The following PDZRN4 variants were observed in gnomAD, a reference collection of about 807,000 sequenced individuals.
PDZRN4 encodes the protein PDZ domain containing ring finger 4.
Under a neutral mutation model 99.0 loss-of-function variants are expected in PDZRN4, and 70 were observed. That is an observed-to-expected ratio of 0.71 (90% CI 0.58 to 0.86). The LOEUF (loss-of-function observed/expected upper bound fraction) is 0.86, where lower values mean the gene tolerates loss of function less well. Among genes scored for constraint, PDZRN4 ranks in the 40% least tolerant of loss-of-function variants. The pLI, the probability that PDZRN4 is intolerant of heterozygous loss-of-function variation, is 0.00. For missense variants in PDZRN4, 1,474 were observed against 1,331.2 expected (o/e 1.11, Z -1.67); for synonymous variants, 551 against 501.6 (o/e 1.10, Z -1.32).
At chr12:41,409,107 A>T (rs1031128132) in intron 3 of PDZRN4, among the ~76,000 whole-genome samples, 1 of 152,180 alleles carries the variant, frequency 6.6e-6, no homozygotes, top group Non-Finnish European at 1.5e-5. Context: ...AAGAACTATG[A>T]TAAGAGTTGA....
At chr12:41,320,802 A>G (rs1311313931) in intron 3 of PDZRN4, among the ~76,000 whole-genome samples, 1 of 152,238 alleles carries the variant, frequency 6.6e-6, no homozygotes, top group African/African-American at 2.4e-5. Flanking sequence ...TCAGCAGAGT[A>G]CATGAGTCAA....
At chr12:41,252,885 T>G (rs1951180527) in intron 3 of PDZRN4, among the ~76,000 whole-genome samples, 2 of 152,166 alleles carry the variant, frequency 1.3e-5, no homozygotes, top group Admixed American at 1.3e-4. Context: ...ATTGTAGTGG[T>G]GGTTAGTTGG....
At chr12:41,466,373 C>A (rs1224590108) in intron 3 of PDZRN4, among the ~76,000 whole-genome samples, 2 of 152,172 alleles carry the variant, frequency 1.3e-5, no homozygotes, top group African/African-American at 4.8e-5. Context: ...GTTAGAAAAG[C>A]AGGAGAAATT....
chr12:41,421,694 T>A (rs1038908772), intron 3 of PDZRN4, among the ~76,000 whole-genome samples: 1 of 152,194 alleles, frequency 6.6e-6, no homozygotes, highest in Non-Finnish European at 1.5e-5. Context: ...GTCACCCCTT[T>A]AATGTTCCCA....
chr12:41,471,507 T>C (rs550147147), intron 3 of PDZRN4, among the ~76,000 whole-genome samples: 1 of 150,318 alleles, frequency 6.7e-6, no homozygotes, highest in Admixed American at 6.6e-5. Flanking sequence ...TTCTACAAGG[T>C]AGAAATTATT....
intron 7 of PDZRN4, among the ~76,000 whole-genome samples, chr12:41,560,910 G>T (rs950405981): frequency 3.3e-5 from 5 of 152,036 alleles, no homozygotes; most frequent in Non-Finnish European, 7.4e-5. Flanking sequence ...GCTAAAGTGT[G>T]GCACTTATTT....
chr12:41,318,689 C>A (rs112195406), intron 3 of PDZRN4, among the ~76,000 whole-genome samples: 1 of 152,162 alleles, frequency 6.6e-6, no homozygotes, highest in African/African-American at 2.4e-5. Context: ...AAACTAAGCA[C>A]ACCAGATTCT....
At chr12:41,275,610 TA>T (rs1240796000) in intron 3 of PDZRN4, among the ~76,000 whole-genome samples, 1 of 152,106 alleles carries the variant, frequency 6.6e-6, no homozygotes, top group African/African-American at 2.4e-5. Context: ...GCGGTTGGTG[TA>T]ATTTTTATTT....
intron 3 of PDZRN4, among the ~76,000 whole-genome samples, chr12:41,347,200 A>T (rs1202205849): frequency 1.3e-5 from 2 of 152,072 alleles, no homozygotes; most frequent in African/African-American, 4.8e-5. Context: ...GTTAAACTCT[A>T]TGTTTAACCC....
At chr12:41,205,059 T>C (rs1950839843) in intron 3 of PDZRN4, among the ~76,000 whole-genome samples, 1 of 151,926 alleles carries the variant, frequency 6.6e-6, no homozygotes, top group Non-Finnish European at 1.5e-5. Context: ...AAGATAAAAA[T>C]GAATTACTAG....
At chr12:41,441,783 G>A (rs934199115) in intron 3 of PDZRN4, among the ~76,000 whole-genome samples, 1 of 151,846 alleles carries the variant, frequency 6.6e-6, no homozygotes, top group East Asian at 1.9e-4. Context: ...GTTCCTTAGC[G>A]CCAGTGAAGG....
intron 5 of PDZRN4, among the ~76,000 whole-genome samples, chr12:41,544,108 T>A (rs1000301930): frequency 2.6e-5 from 4 of 152,202 alleles, no homozygotes; most frequent in African/African-American, 9.7e-5. Flanking sequence ...TAGAGGAATG[T>A]TTGGTACATA....
At chr12:41,456,515 C>T (rs1952818073) in intron 3 of PDZRN4, among the ~76,000 whole-genome samples, 1 of 152,138 alleles carries the variant, frequency 6.6e-6, no homozygotes, top group Non-Finnish European at 1.5e-5. Flanking sequence ...TAACCAGGTC[C>T]TTTCTATATT....
intron 3 of PDZRN4, among the ~76,000 whole-genome samples, chr12:41,376,398 GT>G (rs1183527287): frequency 6.6e-6 from 1 of 151,630 alleles, no homozygotes; most frequent in Non-Finnish European, 1.5e-5. Context: ...GTTATCTCTT[GT>G]TTTTTTTAGA....
At chr12:41,472,291 C>T (rs1479200977) in intron 3 of PDZRN4, among the ~76,000 whole-genome samples, 8 of 152,296 alleles carry the variant, frequency 5.3e-5, no homozygotes, top group Admixed American at 3.3e-4. Flanking sequence ...GCATGAGCCA[C>T]GGCGCCTGGC....
At chr12:41,455,416 T>C (rs530420136) in intron 3 of PDZRN4, among the ~76,000 whole-genome samples, 23 of 152,258 alleles carry the variant, frequency 1.5e-4, no homozygotes, top group African/African-American at 5.3e-4. Context: ...GGTCATTGTA[T>C]TAGCAGTGGG....
intron 3 of PDZRN4, among the ~76,000 whole-genome samples, chr12:41,352,111 G>C (rs184981072): frequency 6.6e-6 from 1 of 152,068 alleles, no homozygotes; most frequent in East Asian, 1.9e-4. Context: ...GGATTACACC[G>C]TGTGGTCATG....
chr12:41,547,730 C>T lies in PDZRN4; in HGVS notation c.1204-4926C>T, dbSNP rs149196769. Among the ~76,000 whole-genome samples the T allele has an allele frequency of 2.3e-3, 343 of 152,260 alleles. 1 individual carries two copies. Among genetic ancestry groups the T allele is most frequent in the African/African-American group, 7.9e-3 (329 of 41,530 alleles). ...ATTCCTGGTCCAGATTTCCTGACATCGACTGTTGTTTGCCAGCATCATGAA... is the reference window on the plus strand; with the variant it reads ...ATTCCTGGTCCAGATTTCCTGACATTGACTGTTGTTTGCCAGCATCATGAA... On this transcript the variant is annotated intron_variant, in intron 5 of 9. Coordinates refer to ENST00000402685, the MANE Select transcript of PDZRN4 (RefSeq NM_001164595.2).
At chr12:41,410,425 T>C (rs140077503) in intron 3 of PDZRN4, among the ~76,000 whole-genome samples, 104 of 152,354 alleles carry the variant, frequency 6.8e-4, no homozygotes, top group African/African-American at 2.3e-3. Flanking sequence ...CCTTTAAATA[T>C]AAGCTGCAAC....
Sources: allele counts gnomAD v4.1 joint callset (sites outside exome capture counted in the v4.1 genomes callset), GRCh38; gene constraint gnomAD v4.1.1; transcripts MANE v1.5; gene names NCBI Gene and HGNC (gene_info 2026-07-23, HGNC 2026-07-21).